The following CEP72 variants were observed in gnomAD, a reference collection of about 807,000 sequenced individuals.
The protein encoded by CEP72 is centrosomal protein 72.
CEP72 carries 78 observed loss-of-function variants against 65.7 expected under a neutral mutation model. That is an observed-to-expected ratio of 1.19 (90% CI 0.99 to 1.43). CEP72 has a LOEUF of 1.43. CEP72 is among the 40% of genes most tolerant of loss of function. CEP72 has a pLI of 0.00. For missense variants in CEP72, 914 were observed against 832.9 expected, an observed-to-expected ratio of 1.10 and a Z score of -1.20; for synonymous variants, 358 against 351.7, an observed-to-expected ratio of 1.02 and a Z score of -0.20.
At chr5:668,239 G>C (rs74764317), downstream of CEP72, among the ~76,000 whole-genome samples, 6 of 78,036 alleles carry the variant, frequency 7.7e-5, no homozygotes, top group African/African-American at 3.4e-4. Context: ...CCGTGTGGGC[G>C]CCGTCAGGGA....
downstream of CEP72, among the ~76,000 whole-genome samples, chr5:657,462 T>G (rs972982934): frequency 1.3e-5 from 2 of 152,218 alleles, no homozygotes; most frequent in African/African-American, 4.8e-5. Context: ...CTTTCTCCAT[T>G]CTCTAGGAGA....
At chr5:672,580 C>T in the CEP72 span, among the ~76,000 whole-genome samples, 1 of 152,234 alleles carries the variant, frequency 6.6e-6, no homozygotes, top group Non-Finnish European at 1.5e-5. Context: ...GACCCTCGCC[C>T]AGAGGCTGGT....
At chr5:643,501 C>G (rs567920228) in intron 9 of CEP72, 8 of 985,208 alleles carry the variant, frequency 8.1e-6, no homozygotes, top group African/African-American at 1.7e-5. Context: ...AGGGGGCTGT[C>G]GGCGGGTGGG....
chr5:647,655 G>A, intron 10 of CEP72, 150 bp from the exon 11 acceptor site: 1 of 618,200 alleles, frequency 1.6e-6, no homozygotes, highest in Non-Finnish European at 2.9e-6. Context: ...TGCTCGCCCT[G>A]TCTTTGAGTC....
chr5:646,480 C>T (rs1266056869), intron 10 of CEP72, among the ~76,000 whole-genome samples: 1 of 152,164 alleles, frequency 6.6e-6, no homozygotes, highest in Non-Finnish European at 1.5e-5. Flanking sequence ...TTTCTGACCT[C>T]ATGGATCAAG....
chr5:658,337 G>A (rs79243290), downstream of CEP72, among the ~76,000 whole-genome samples: 894 of 152,342 alleles, frequency 5.9e-3, 13 homozygotes, highest in African/African-American at 0.021. Context: ...GCCTCCCTGA[G>A]GCCTCCCGGC....
At chr5:675,213 C>A in the CEP72 span, among the ~76,000 whole-genome samples, 1 of 44,992 alleles carries the variant, frequency 2.2e-5, no homozygotes, top group Admixed American at 3.2e-4. Context: ...TCAGTGTAGC[C>A]GGGGGTGCAG....
downstream of CEP72, among the ~76,000 whole-genome samples, chr5:670,628 G>T (rs1288851245): frequency 1.3e-5 from 2 of 152,098 alleles, no homozygotes; most frequent in African/African-American, 4.8e-5. Flanking sequence ...GCCCTGTCTG[G>T]CATCGCCATC....
Position 633,964 on chromosome 5 carries a change from C to T in CEP72, c.691+17C>T. The T allele has an allele frequency of 6.2e-7, 1 of 1,607,448 alleles. No individual in the cohort carries two copies. The highest frequency in any genetic ancestry group is 8.5e-7 in the Non-Finnish European group (1 of 1,178,468). On this transcript the variant is annotated intron_variant, in intron 5 of 11. Coordinates refer to ENST00000264935, the MANE Select transcript of CEP72 (RefSeq NM_018140.4). ...GTTCCCAAGGTGCGCTGCTCATCTG[C>T]CAGGAGGCCAGTGGGTCCGCTGGCT...
At chr5:668,035 G>A (rs1373094005), downstream of CEP72, among the ~76,000 whole-genome samples, 2 of 42,792 alleles carry the variant, frequency 4.7e-5, 1 homozygote, top group Admixed American at 4.2e-4. Flanking sequence ...CAGAGAGGGG[G>A]CCGTGTGGGC....
rs767448432 is a variant in CEP72, at chr5:619,050, A to G, written c.143A>G (p.His48Arg). ...TYQEKITHLGHSLMSLTGLKS... is the reference protein window; with the variant it reads ...TYQEKITHLGRSLMSLTGLKS... ...CAAGAGAAGATCACCCACCTGGGACATTCTCTGATGAGTTTAACAGGTCTG... is the reference window on the plus strand; with the variant it reads ...CAAGAGAAGATCACCCACCTGGGACGTTCTCTGATGAGTTTAACAGGTCTG... The change falls in exon 2 of 12, where the codon CAT (histidine) becomes CGT (arginine). Residue 48 changes from histidine to arginine, a missense_variant. By Grantham distance (29) the His-to-Arg change is conservative (BLOSUM62 0). Transcript: ENST00000264935. The G allele has an allele frequency of 4.3e-6, 7 of 1,612,826 alleles. No individual in the cohort carries two copies. The highest frequency in any genetic ancestry group is 3.3e-5 in the Admixed American group (2 of 60,006).
At chr5:665,333 G>T in intron 3 of CEP72, 1 of 1,583,064 alleles carries the variant, frequency 6.3e-7, no homozygotes, top group East Asian at 2.3e-5. Flanking sequence ...CAGGTGAGTT[G>T]CGAGCCAGGT....
In CEP72 at chr5:629,479, T is replaced by G. The variant is rs527620316; in HGVS notation, c.513-4290T>G. Among the ~76,000 whole-genome samples, 11 of 130,768 alleles carry G rather than the reference T, an allele frequency of 8.4e-5. No individual in the cohort carries two copies. The South Asian group carries it at 1.2e-3, about 14-fold the overall frequency. 85.8% of individuals were successfully genotyped at this position (130,768 alleles called of 152,430 possible). A position where few individuals can be genotyped will look rare whatever the true frequency, so the allele number is the denominator to read the frequency against. ...GGATTTGACCCAGTCCTGGTGGGGT[T>G]CTGTCCAGTGCCGGGATTTGGACCA... On this transcript the variant is annotated intron_variant, in intron 4 of 11. Transcript: ENST00000264935.
chr5:640,877 G>A, intron 9 of CEP72: 1 of 985,466 alleles, frequency 1.0e-6, no homozygotes, highest in Non-Finnish European at 1.2e-6. Context: ...AGTGCCGGGT[G>A]CTGCAGGAGC....
intron 9 of CEP72, chr5:643,612 T>G: frequency 1.0e-6 from 1 of 985,288 alleles, no homozygotes; most frequent in Non-Finnish European, 1.2e-6. Flanking sequence ...AGCTGGGGCC[T>G]GCTCAGCACC....
chr5:612,491 T>TGGGGGGGGGGGG, intron 1 of CEP72, 48 bp downstream of exon 1: 4 of 567,468 alleles, frequency 7.0e-6, no homozygotes, highest in Admixed American at 8.9e-5. Flanking sequence ...GGCGGGGGGG[T>TGGGGGGGGGGGG]GGGTGCCGAG....
rs1561066006 is a variant in CEP72 at position 651,316 on chromosome 5, G to GTGAGGCGTGGACTGTGAGGTGTGACTT, written c.1779-1646_1779-1645insTTGAGGCGTGGACTGTGAGGTGTGACT. On this transcript the variant is annotated intron_variant, in intron 11 of 11. Coordinates refer to ENST00000264935, the MANE Select transcript of CEP72 (RefSeq NM_018140.4). ...TGAGGTGTGACTGTGAGGTGTGACT[G>GTGAGGCGTGGACTGTGAGGTGTGACTT]TGAGGCGTGGACTGTGAGGTGTGAC... Among the ~76,000 whole-genome samples the GTGAGGCGTGGACTGTGAGGTGTGACTT allele has an allele frequency of 5.2e-4, 75 of 144,844 alleles. 2 individuals carry two copies. Among genetic ancestry groups the GTGAGGCGTGGACTGTGAGGTGTGACTT allele is most frequent in the African/African-American group, 1.8e-3 (69 of 37,704 alleles).
chr5:638,207 G>A (rs987806953), intron 7 of CEP72, among the ~76,000 whole-genome samples: 1 of 152,216 alleles, frequency 6.6e-6, no homozygotes, highest in African/African-American at 2.4e-5. Flanking sequence ...GGTGCACAGG[G>A]CATTTGTCTC....
downstream of CEP72, among the ~76,000 whole-genome samples, chr5:669,224 C>T (rs528067205): frequency 1.3e-5 from 2 of 152,328 alleles, no homozygotes; most frequent in African/African-American, 4.8e-5. Context: ...ACATTCCAGA[C>T]CCGCCGGCCA....
Sources: allele counts gnomAD v4.1 joint callset (sites outside exome capture counted in the v4.1 genomes callset), GRCh38; gene constraint gnomAD v4.1.1; transcripts MANE v1.5; gene names NCBI Gene and HGNC (gene_info 2026-07-23, HGNC 2026-07-21).